Variants in THBS2 observed in about 807,000 individuals in gnomAD.
THBS2 encodes the protein thrombospondin 2, also known as thrombospondin-2.
A neutral mutation model predicts 135.2 loss-of-function variants in THBS2; 47 were observed. The ratio of observed to expected loss-of-function variants is 0.35; its 90% CI spans 0.28 to 0.44. The LOEUF (loss-of-function observed/expected upper bound fraction) is 0.44. Among genes scored for constraint, THBS2 ranks in the 20% least tolerant of loss-of-function variants. THBS2 has a pLI of 1.00. For missense variants in THBS2, 1,288 were observed against 1,603.1 expected (o/e 0.80, Z 3.36); for synonymous variants, 639 against 633.8 (o/e 1.01, Z -0.12).
At chr6:169,218,096 G>GTGGA (rs1241183532) in intron 21 of THBS2, among the ~76,000 whole-genome samples, 1 of 124,242 alleles carries the variant, frequency 8.0e-6, no homozygotes, top group African/African-American at 3.1e-5. Flanking sequence ...AAATGGGTGG[G>GTGGA]TGGATGGATG....
intron 9 of THBS2, among the ~76,000 whole-genome samples, chr6:169,236,443 C>T (rs1205950934): frequency 5.9e-5 from 8 of 135,212 alleles, no homozygotes; most frequent in Non-Finnish European, 1.1e-4. Flanking sequence ...CATCCACACT[C>T]ATTGCCCCGT....
chr6:169,249,498 G>A (rs1038760357), intron 2 of THBS2, among the ~76,000 whole-genome samples: 1 of 152,212 alleles, frequency 6.6e-6, no homozygotes, highest in African/African-American at 2.4e-5. Context: ...CCTTGCTATT[G>A]ATAGAGTGTC....
intron 5 of THBS2, 109 bp from the exon 6 acceptor site, chr6:169,240,701 C>A: frequency 7.2e-7 from 1 of 1,387,752 alleles, no homozygotes; most frequent in South Asian, 1.5e-5. Flanking sequence ...GCTCTAAAGT[C>A]AAGTAAGACT....
rs775699542 is a variant in THBS2 at position 169,241,834 on chromosome 6, C to T, written c.819G>A (p.Leu273=). ...PEVCERSCEE[L]GNMVQELSGL... Reference sequence around the variant, plus strand: ...CCGAGAGCTCCTGGACCATGTTTCCCAGCTCCTCGCACGAGCGTTCGCACA... The same window carrying T: ...CCGAGAGCTCCTGGACCATGTTTCCTAGCTCCTCGCACGAGCGTTCGCACA... Residue 273 remains leucine (L), a synonymous_variant, in exon 5 of 22, where the codon CTG becomes CTA. Coordinates refer to ENST00000617924, the MANE Select transcript of THBS2 (RefSeq NM_003247.5). This position sits in a 1 kb window ranked among gnomAD's most constrained non-coding sequence, Gnocchi z 5.5. 1.2e-6 allele frequency: 2 copies of T among 1,612,676 alleles called. No individual in the cohort carries two copies. The highest frequency in any genetic ancestry group is 1.7e-6 in the Non-Finnish European group (2 of 1,179,968).
At chr6:169,238,412 C>A (rs1348305362) in intron 7 of THBS2, among the ~76,000 whole-genome samples, 1 of 152,168 alleles carries the variant, frequency 6.6e-6, no homozygotes, top group Non-Finnish European at 1.5e-5. Context: ...TGCGCCATGA[C>A]TCAGTGTTCT....
In THBS2 at chr6:169,221,510, G is replaced by A. The variant is rs560799379; in HGVS notation, c.3291C>T (p.His1097=). The A allele has an allele frequency of 1.7e-5, 28 of 1,613,940 alleles. No individual in the cohort carries two copies. Among genetic ancestry groups the A allele is most frequent in the African/African-American group, 4.0e-5 (3 of 75,038 alleles). ...CCTTCCAGCCAATGTTCCTGGGGTCGTGCCATAAGGTTCGCACCTGAGAGA... is the reference window on the plus strand; with the variant it reads ...CCTTCCAGCCAATGTTCCTGGGGTCATGCCATAAGGTTCGCACCTGAGAGA... ...NTPGQVRTLW[H]DPRNIGWKDY... is the part of the protein sequence containing the mutation. The change falls in exon 20 of 22, where the codon CAC becomes CAT. Residue 1097 remains histidine, a synonymous_variant. Transcript: ENST00000617924.
At chr6:169,217,924 CTT>C in intron 21 of THBS2, 95 bp from the exon 22 acceptor site, 2 of 1,201,898 alleles carry the variant, frequency 1.7e-6, no homozygotes, top group Non-Finnish European at 2.3e-6. Flanking sequence ...AATATAATTA[CTT>C]TAATTAAAGA....
At chr6:169,236,289 CATT>C (rs1780060162) in intron 9 of THBS2, among the ~76,000 whole-genome samples, 1 of 136,458 alleles carries the variant, frequency 7.3e-6, no homozygotes, top group African/African-American at 2.8e-5. Context: ...CATCCACACT[CATT>C]CCCATCCACA....
chr6:169,243,035 ACCGCTCC>A (rs1780408157), intron 4 of THBS2, among the ~76,000 whole-genome samples: 7 of 18,060 alleles, frequency 3.9e-4, no homozygotes, highest in Admixed American at 1.4e-3. Context: ...CCACCTTCCC[ACCGCTCC>A]CACCTTCCCA....
intron 17 of THBS2, among the ~76,000 whole-genome samples, chr6:169,224,388 C>T (rs911468858): frequency 6.6e-6 from 1 of 152,208 alleles, no homozygotes; most frequent in Non-Finnish European, 1.5e-5. Flanking sequence ...TGTGCTCACT[C>T]CATCCCTTCA....
chr6:169,237,843 G>A (rs561259197), intron 7 of THBS2, 48 bp from the exon 8 acceptor site: 16 of 1,584,874 alleles, frequency 1.0e-5, no homozygotes, highest in East Asian at 2.3e-5. Flanking sequence ...CCTCACAGAC[G>A]TGCCACAGAA....
In THBS2 at chr6:169,238,603, C is replaced by T. The variant is rs150201619; in HGVS notation, c.1130-808G>A. Among the ~76,000 whole-genome samples the T allele has an allele frequency of 2.1e-4, 32 of 152,310 alleles. No homozygotes were observed. In the East Asian group the frequency reaches 5.6e-3, roughly 27 times the overall value. On this transcript the variant is annotated intron_variant, in intron 7 of 21. Transcript: ENST00000617924. ...TGTGAATACCTAACAGGCACTTTTA[C>T]GCATATTGAATTGTTGGTTTTAATT... is the stretch of plus-strand genomic sequence containing the variant.
intron 4 of THBS2, 68 bp from the exon 5 acceptor site, chr6:169,242,026 G>A: frequency 6.6e-7 from 1 of 1,520,536 alleles, no homozygotes; most frequent in Non-Finnish European, 8.8e-7. Flanking sequence ...GCTGGGAACA[G>A]AGGGAGGATG....
chr6:169,226,390 T>C, intron 15 of THBS2, 92 bp from the exon 16 acceptor site: 1 of 913,440 alleles, frequency 1.1e-6, no homozygotes. Flanking sequence ...TCACACGAAA[T>C]TGCTTACAGC....
At chr6:169,236,316 C>T (rs1780063668) in intron 9 of THBS2, among the ~76,000 whole-genome samples, 2 of 121,548 alleles carry the variant, frequency 1.6e-5, no homozygotes, top group Non-Finnish European at 1.8e-5. Flanking sequence ...ACTCCCCATC[C>T]ACACTCACTC....
In THBS2 at chr6:169,241,427, ATGTGTGTGTGTATGTG is replaced by A. The variant is rs1323958901; in HGVS notation, c.891+319_891+334del. Among the ~76,000 whole-genome samples, 2 of 75,958 alleles carry A rather than the reference ATGTGTGTGTGTATGTG, an allele frequency of 2.6e-5. No homozygotes were observed. The highest frequency in any genetic ancestry group is 2.6e-5 in the Non-Finnish European group (1 of 39,204). The allele number at this position is 75,958 out of a possible 152,430, so 49.8% of individuals were successfully genotyped here. ...TGTGTGTGTGTGTGTATGTGTGTGT[ATGTGTGTGTGTATGTG>A]TGTGTGTGTGTGTACACTCATACCT... On this transcript the variant is annotated intron_variant, in intron 5 of 21. Transcript: ENST00000617924. The surrounding 1 kb of genome is among the most constrained non-coding windows in gnomAD (Gnocchi z 5.5).
At position 169,217,698 on chromosome 6, in the gene THBS2, T is replaced by G. The variant is rs1477446915; in HGVS notation, c.*124A>C. On this transcript the variant is annotated 3_prime_UTR_variant, in exon 22 of 22. Coordinates refer to ENST00000617924, the MANE Select transcript of THBS2 (RefSeq NM_003247.5). ...GTTGCTGGCAGGAGGTGAAGAACCATCAGAGTTAAGGTCAAGGGACAGGAG... is the reference window on the plus strand; with the variant it reads ...GTTGCTGGCAGGAGGTGAAGAACCAGCAGAGTTAAGGTCAAGGGACAGGAG... 2 of 1,093,466 alleles carry G rather than the reference T, an allele frequency of 1.8e-6. No homozygotes were observed. The highest frequency in any genetic ancestry group is 3.2e-5 in the African/African-American group (2 of 62,802). The allele number at this position is 1,093,466 out of a possible 1,614,324, so 67.7% of individuals were successfully genotyped here.
chr6:169,223,631 G>C (rs1387131410), intron 17 of THBS2, among the ~76,000 whole-genome samples, 156 bp from the exon 18 acceptor site: 1 of 152,138 alleles, frequency 6.6e-6, no homozygotes, highest in Non-Finnish European at 1.5e-5. Context: ...GTGGATTCGT[G>C]CTCAACAATC....
intron 20 of THBS2, among the ~76,000 whole-genome samples, chr6:169,221,127 C>T (rs1779412787): frequency 6.6e-6 from 1 of 152,242 alleles, no homozygotes; most frequent in South Asian, 2.1e-4. Context: ...CATGCTAATT[C>T]TGCAAAGATG....
Sources: gnomAD v4.1 joint callset for allele counts (sites outside exome capture counted in the v4.1 genomes callset) on GRCh38, gnomAD v4.1.1 for gene constraint, Gnocchi (gnomAD v3.1) non-coding constraint, MANE v1.5 for transcripts, NCBI Gene and HGNC (gene_info 2026-07-23, HGNC 2026-07-21) for gene names.